The following IVD variants were observed in gnomAD, a reference collection of about 807,000 sequenced individuals.
IVD encodes the protein isovaleryl-CoA dehydrogenase.
A neutral mutation model predicts 51.3 loss-of-function variants in IVD; 31 were observed. The ratio of observed to expected loss-of-function variants is 0.60; its 90% CI spans 0.45 to 0.81. The LOEUF (loss-of-function observed/expected upper bound fraction) is 0.81. Among genes scored for constraint, IVD ranks in the 40% least tolerant of loss-of-function variants. IVD has a pLI of 0.00. For synonymous variants in IVD, 205 were observed against 219.4 expected, an observed-to-expected ratio of 0.93 and a Z score of 0.58; for missense variants, 475 against 552.0, an observed-to-expected ratio of 0.86 and a Z score of 1.40.
Position 40,413,095 on chromosome 15 carries a change from G to A in IVD, c.784+8G>A, listed in dbSNP as rs1475150202. 6.2e-7 allele frequency: 1 copy of A among 1,605,398 alleles called. No individual in the cohort carries two copies. The highest frequency in any genetic ancestry group is 1.1e-5 in the South Asian group (1 of 90,856). On this transcript the variant is annotated splice_region_variant and intron_variant, in intron 7 of 11. Transcript: ENST00000487418. ...AAGACTGCAAGATTCCTGGTAAGTA[G>A]CACCGGGAATCGGGGAGCCCCTCTC...
intron 10 of IVD, 30 bp from the exon 11 acceptor site, chr15:40,416,260 G>A (rs1295661099): frequency 1.2e-6 from 2 of 1,613,570 alleles, no homozygotes; most frequent in African/African-American, 1.3e-5. Context: ...TGCCTCGCAG[G>A]GCCCTGCTGA....
downstream of IVD, among the ~76,000 whole-genome samples, chr15:40,423,873 C>G (rs1055940850): frequency 6.6e-6 from 1 of 152,240 alleles, no homozygotes; most frequent in Admixed American, 6.5e-5. Context: ...GCCCTGAAAT[C>G]AGGTGGTGCA....
At chr15:40,415,530 T>A (rs760468999) in intron 9 of IVD, 48 bp downstream of exon 9, 6 of 1,538,070 alleles carry the variant, frequency 3.9e-6, no homozygotes, top group Non-Finnish European at 5.4e-6. Flanking sequence ...TGGGCTAAAG[T>A]TTTCTTTGAA....
chr15:40,430,595 T>C (rs1465996220), intron 7 of IVD, among the ~76,000 whole-genome samples: 1 of 151,638 alleles, frequency 6.6e-6, no homozygotes, highest in Non-Finnish European at 1.5e-5. Flanking sequence ...ATCACAGAGG[T>C]GGGAGGAGAT....
At chr15:40,407,582 C>G in intron 1 of IVD, 54 bp from the exon 2 acceptor site, 2 of 1,298,152 alleles carry the variant, frequency 1.5e-6, no homozygotes, top group Non-Finnish European at 2.2e-6. Context: ...TTGAATGTGT[C>G]TGGGTAGTGG....
At chr15:40,406,370 G>C in intron 1 of IVD, 1 of 1,307,706 alleles carries the variant, frequency 7.6e-7, no homozygotes, top group Middle Eastern at 2.1e-4. Flanking sequence ...TCACACCTGG[G>C]TGGTCATCGT....
rs771395584 is a variant in IVD at position 40,411,323 on chromosome 15, G to T, written c.520G>T (p.Val174Phe). The change falls in exon 5 of 12, where the codon GTC (valine) becomes TTC (phenylalanine). Residue 174 changes from valine to phenylalanine, a missense_variant. By Grantham distance (50) the Val-to-Phe change is conservative (BLOSUM62 -1). Coordinates refer to ENST00000487418, the MANE Select transcript of IVD (RefSeq NM_002225.5). ...MSEPNAGSDV[V>F]SMKLKAEKKG... is the part of the protein sequence containing the mutation. ...TGAGCCCAATGCAGGCTCTGATGTT[G>T]TCTCTATGAAGCTCAAAGCGGAAAA... The T allele has an allele frequency of 4.3e-6, 7 of 1,614,208 alleles. No individual in the cohort carries two copies. In the South Asian group the frequency reaches 6.6e-5, roughly 15 times the overall value.
At chr15:40,415,623 C>T (rs1348317674) in intron 9 of IVD, 141 bp downstream of exon 9, 3 of 755,686 alleles carry the variant, frequency 4.0e-6, no homozygotes, top group Non-Finnish European at 2.3e-6. Context: ...TGCAGTCTTC[C>T]TCAGCATGCA....
chr15:40,410,169 A>G (rs1890912318), intron 3 of IVD, among the ~76,000 whole-genome samples: 2 of 152,210 alleles, frequency 1.3e-5, no homozygotes, highest in South Asian at 4.1e-4. Context: ...GCCCTATGCT[A>G]TAAAATCTCA....
chr15:40,418,644 C>T lies in IVD; in HGVS notation c.*381C>T. Reference sequence around the variant, plus strand: ...GCACCTGGGGGCATGCAGGTACCCACCTCTTTCTCTTGGGTGAGGCTCTGG... The same window carrying T: ...GCACCTGGGGGCATGCAGGTACCCATCTCTTTCTCTTGGGTGAGGCTCTGG... On this transcript the variant is annotated 3_prime_UTR_variant, in exon 12 of 12. Coordinates refer to ENST00000487418, the MANE Select transcript of IVD (RefSeq NM_002225.5). The T allele has an allele frequency of 1.7e-6, 2 of 1,150,978 alleles. No individual in the cohort carries two copies. Among genetic ancestry groups the T allele is most frequent in the Non-Finnish European group, 2.2e-6 (2 of 925,576 alleles). The allele number at this position is 1,150,978 out of a possible 1,614,324, so 71.3% of individuals were successfully genotyped here.
chr15:40,415,621 T>C (rs926098358), intron 9 of IVD, 139 bp downstream of exon 9: 8 of 758,970 alleles, frequency 1.1e-5, no homozygotes, highest in African/African-American at 1.7e-5. Context: ...AATGCAGTCT[T>C]CCTCAGCATG....
At position 40,421,102 on chromosome 15, in the gene IVD, C is replaced by T; in HGVS notation, c.*2839C>T. ...TTTCACTTCCTTGTCTTGCTCCCTG[C>T]TATGTTGGAGATGAATGTGACTAAA... On this transcript the variant is annotated 3_prime_UTR_variant, in exon 12 of 12. Coordinates refer to ENST00000487418, the MANE Select transcript of IVD (RefSeq NM_002225.5). 1 of 985,358 alleles carries T rather than the reference C, an allele frequency of 1.0e-6. No homozygotes were observed. Among genetic ancestry groups the T allele is most frequent in the Non-Finnish European group, 1.2e-6 (1 of 829,954 alleles). The allele number at this position is 985,358 out of a possible 1,614,324, so 61.0% of individuals were successfully genotyped here.
rs535261722 is a variant in IVD, at chr15:40,410,794, G to A, written c.453G>A (p.Pro151=). 2.4e-5 allele frequency: 38 copies of A among 1,614,066 alleles called. No homozygotes were observed. The highest frequency in any genetic ancestry group is 5.0e-5 in the Admixed American group (3 of 60,010). ...AGGCCCAGAAAGAGAAGTATCTCCC[G>A]AAGGTGAGGAAATGGAAATGTAATA... ...GNEAQKEKYL[P]KLISGEYIGA... Residue 151 remains proline (P), a synonymous_variant, in exon 4 of 12, where the codon CCG becomes CCA. Transcript: ENST00000487418.
At chr15:40,406,864 CTTTT>C (rs920097308) in intron 1 of IVD, among the ~76,000 whole-genome samples, 2 of 138,762 alleles carry the variant, frequency 1.4e-5, no homozygotes, top group African/African-American at 2.6e-5. Context: ...TTTCTTTTTT[CTTTT>C]TTTTTTTTTT....
intron 7 of IVD, among the ~76,000 whole-genome samples, chr15:40,413,673 TG>T (rs1442396979): frequency 8.8e-5 from 9 of 102,688 alleles, no homozygotes; most frequent in Admixed American, 3.2e-4. Context: ...GGTTTTTTTT[TG>T]TTTTTTTTGT....
chr15:40,416,374 C>G lies in IVD; in HGVS notation c.1138+12C>G. 1 of 1,612,804 alleles carries G rather than the reference C, an allele frequency of 6.2e-7. No individual in the cohort carries two copies. Among genetic ancestry groups the G allele is most frequent in the Non-Finnish European group, 8.5e-7 (1 of 1,179,302 alleles). The stretch of plus-strand genomic sequence containing the variant: ...CATTCAGTGTTTTGGTGAGTGATCC[C>G]CACTTCCCAGTCCCGGGGCTCCCTC... On this transcript the variant is annotated intron_variant, in intron 11 of 11. Coordinates refer to ENST00000487418, the MANE Select transcript of IVD (RefSeq NM_002225.5).
chr15:40,435,618 C>G, downstream of IVD: 5 of 1,098,798 alleles, frequency 4.6e-6, no homozygotes, highest in Non-Finnish European at 5.7e-6. Flanking sequence ...CTATGTTCTC[C>G]AACGTCTTTG....
chr15:40,408,842 C>T (rs373865319), intron 3 of IVD, among the ~76,000 whole-genome samples: 3 of 152,030 alleles, frequency 2.0e-5, no homozygotes, highest in Non-Finnish European at 2.9e-5. Flanking sequence ...CCCAGCTACT[C>T]GGGAGGCTGA....
intron 7 of IVD, among the ~76,000 whole-genome samples, chr15:40,429,831 G>C (rs1191499511): frequency 6.6e-6 from 1 of 152,230 alleles, no homozygotes; most frequent in East Asian, 1.9e-4. Context: ...TAGCTTCTCA[G>C]GGAAGCCATC....
Sources: gnomAD v4.1 joint callset for allele counts (sites outside exome capture counted in the v4.1 genomes callset) on GRCh38, gnomAD v4.1.1 for gene constraint, MANE v1.5 for transcripts, NCBI Gene and HGNC (gene_info 2026-07-23, HGNC 2026-07-21) for gene names.